CNTNAP2: variants seen among roughly 807,000 people sequenced by gnomAD.
CNTNAP2 encodes the protein contactin associated protein 2, also known as contactin-associated protein-like 2.
A neutral mutation model predicts 155.2 loss-of-function variants in CNTNAP2; 98 were observed. The observed-to-expected ratio is 0.63, with a 90% confidence interval of 0.54 to 0.75. The LOEUF is 0.75. Ranked by LOEUF, CNTNAP2 falls within the 30% of genes least tolerant of loss-of-function variation. The pLI is 0.00. For synonymous variants in CNTNAP2, 651 were observed against 631.2 expected, an observed-to-expected ratio of 1.03 and a Z score of -0.47; for missense variants, 1,727 against 1,688.1, an observed-to-expected ratio of 1.02 and a Z score of -0.40.
At chr7:147,892,774 C>T (rs1304315048) in intron 13 of CNTNAP2, among the ~76,000 whole-genome samples, 2 of 152,064 alleles carry the variant, frequency 1.3e-5, no homozygotes, top group Non-Finnish European at 2.9e-5. Flanking sequence ...CATTTCAGTT[C>T]AGGTCCATTT....
chr7:147,527,015 C>CTTTTTTTTTTTTTTTTTTTTT lies in CNTNAP2; in HGVS notation c.1778-35116_1778-35096dup, dbSNP rs888976222. ...CATGAATTATGGAAGACAGGCATTTCTTTTTTTTTTTTTTTTTTTTTTTTT... is the reference window on the plus strand; with the variant it reads ...CATGAATTATGGAAGACAGGCATTTCTTTTTTTTTTTTTTTTTTTTTTTTTTTTTTTTTTTTTTTTTTTTTT... On this transcript the variant is annotated intron_variant, in intron 11 of 23. Coordinates refer to ENST00000361727, the MANE Select transcript of CNTNAP2 (RefSeq NM_014141.6). 4.9e-4 allele frequency among the ~76,000 whole-genome samples: 32 copies of CTTTTTTTTTTTTTTTTTTTTT among 65,164 alleles called. 3 individuals are homozygous for CTTTTTTTTTTTTTTTTTTTTT. Among genetic ancestry groups the CTTTTTTTTTTTTTTTTTTTTT allele is most frequent in the African/African-American group, 2.3e-3 (30 of 12,766 alleles). 42.8% of individuals were successfully genotyped at this position (65,164 alleles called of 152,430 possible).
At position 146,944,897 on chromosome 7, in the gene CNTNAP2, AAAAG is replaced by A. The variant is rs374618127; in HGVS notation, c.403-99006_403-99003del. Among the ~76,000 whole-genome samples, 87 of 151,060 alleles carry A rather than the reference AAAAG, an allele frequency of 5.8e-4. No individual in the cohort carries two copies. The East Asian group carries it at 7.5e-3, about 13-fold the overall frequency. ...CGTCTAAAAAAAAAAAAGAAAAAGA[AAAAG>A]AAAAATCGTAAGGCTATGCATAGCA... is the stretch of plus-strand genomic sequence containing the variant. On this transcript the variant is annotated intron_variant, in intron 3 of 23. Transcript: ENST00000361727.
At chr7:146,261,104 C>G (rs1799912860) in intron 1 of CNTNAP2, among the ~76,000 whole-genome samples, 1 of 152,088 alleles carries the variant, frequency 6.6e-6, no homozygotes, top group Non-Finnish European at 1.5e-5. Context: ...GCCACCATGT[C>G]AGACGTGCCT....
Position 146,719,242 on chromosome 7 carries a change from G to C in CNTNAP2, c.98-55029G>C, listed in dbSNP as rs186703400. On this transcript the variant is annotated intron_variant, in intron 1 of 23. Transcript: ENST00000361727. ...TTTGAATCTTTCAGCCCAACAGTCA[G>C]CTTTGCTGAGGCTACAAAGAAATGC... Among the ~76,000 whole-genome samples, 9 of 152,284 alleles carry C rather than the reference G, an allele frequency of 5.9e-5. No homozygotes were observed. In the East Asian group the frequency reaches 1.7e-3, roughly 29 times the overall value.
intron 1 of CNTNAP2, among the ~76,000 whole-genome samples, chr7:146,359,717 T>C (rs1795054564): frequency 6.6e-6 from 1 of 152,176 alleles, no homozygotes; most frequent in Non-Finnish European, 1.5e-5. Flanking sequence ...TAATAGCATA[T>C]TTTATGAGCT....
At chr7:146,184,930 C>G (rs1584791854) in intron 1 of CNTNAP2, among the ~76,000 whole-genome samples, 1 of 152,110 alleles carries the variant, frequency 6.6e-6, no homozygotes, top group South Asian at 2.1e-4. Context: ...GTCACTATCT[C>G]TCTTTCCCTC....
intron 12 of CNTNAP2, among the ~76,000 whole-genome samples, chr7:147,631,677 A>G (rs938809716): frequency 6.6e-6 from 1 of 152,136 alleles, no homozygotes; most frequent in African/African-American, 2.4e-5. Flanking sequence ...AATATAGCCA[A>G]ATATTTAAAG....
chr7:147,618,789 C>A (rs184998740), intron 12 of CNTNAP2, among the ~76,000 whole-genome samples: 3,212 of 151,550 alleles, frequency 0.021, 232 homozygotes, highest in Admixed American at 0.14. Context: ...GCTTTTTTTT[C>A]ACTGGTCATT....
intron 11 of CNTNAP2, among the ~76,000 whole-genome samples, chr7:147,499,714 G>A (rs959553919): frequency 1.3e-5 from 2 of 152,200 alleles, no homozygotes; most frequent in Admixed American, 1.3e-4. Context: ...GCTTTAAGCA[G>A]GAGGGAGAAA....
rs1798021760 is a variant in CNTNAP2 at position 148,331,711 on chromosome 7, GTGGACGGATGGAT to G, written c.3476-51933_3476-51921del. 1.0e-3 allele frequency among the ~76,000 whole-genome samples: 10 copies of G among 9,612 alleles called. 1 individual carries two copies. The highest frequency in any genetic ancestry group is 1.6e-3 in the African/African-American group (5 of 3,188). The allele number at this position is 9,612 out of a possible 152,430, so 6.3% of individuals were successfully genotyped here. A position where few individuals can be genotyped will look rare whatever the true frequency, so the allele number is the denominator to read the frequency against. On this transcript the variant is annotated intron_variant, in intron 21 of 23. Transcript: ENST00000361727. The stretch of plus-strand genomic sequence containing the variant: ...TGGACGGATGGAGTGGATGGATGGA[GTGGACGGATGGAT>G]TGGATGGATGGAGTGGATGGATGGA...
At chr7:148,218,242 C>G (rs1194568788) in intron 19 of CNTNAP2, among the ~76,000 whole-genome samples, 2 of 152,082 alleles carry the variant, frequency 1.3e-5, no homozygotes, top group African/African-American at 4.8e-5. Flanking sequence ...TTAATTTTAT[C>G]CTGATTTATG....
chr7:146,144,488 A>AAAC (rs1227740164), intron 1 of CNTNAP2, among the ~76,000 whole-genome samples: 2 of 152,178 alleles, frequency 1.3e-5, no homozygotes, highest in African/African-American at 4.8e-5. Context: ...AATAGAAAAC[A>AAAC]AACAACAACA....
chr7:147,744,292 C>A (rs79636548), intron 13 of CNTNAP2, among the ~76,000 whole-genome samples: 32,341 of 152,012 alleles, frequency 0.21, 3,627 homozygotes, highest in Middle Eastern at 0.39. Flanking sequence ...AACTACAGAA[C>A]ATTTAAAATT....
intron 18 of CNTNAP2, among the ~76,000 whole-genome samples, chr7:148,179,990 C>T (rs1158358893): frequency 6.6e-6 from 1 of 152,188 alleles, no homozygotes; most frequent in Non-Finnish European, 1.5e-5. Flanking sequence ...AGAATAAATG[C>T]ATGGTCTACC....
At chr7:147,129,587 A>G (rs890089397) in intron 7 of CNTNAP2, among the ~76,000 whole-genome samples, 27 of 152,178 alleles carry the variant, frequency 1.8e-4, no homozygotes, top group African/African-American at 6.5e-4. Flanking sequence ...TTTAGCCCAG[A>G]GAGGCTATTT....
At chr7:146,712,200 T>TAAAATAAAAAACAGGA (rs1801097912) in intron 1 of CNTNAP2, among the ~76,000 whole-genome samples, 1 of 118,266 alleles carries the variant, frequency 8.5e-6, no homozygotes, top group African/African-American at 3.3e-5. Flanking sequence ...TGTATACAAA[T>TAAAATAAAAAACAGGA]ATGTATACAT....
At chr7:146,227,469 A>G (rs941386795) in intron 1 of CNTNAP2, among the ~76,000 whole-genome samples, 9 of 151,494 alleles carry the variant, frequency 5.9e-5, no homozygotes, top group African/African-American at 9.7e-5. Flanking sequence ...AAAAATCTTT[A>G]AGGAGATATG....
chr7:147,407,260 A>G (rs112237601), intron 10 of CNTNAP2, among the ~76,000 whole-genome samples: 4,300 of 152,116 alleles, frequency 0.028, 229 homozygotes, highest in African/African-American at 0.098. Context: ...CGAGGTCAGG[A>G]GATCGAGACC....
intron 4 of CNTNAP2, among the ~76,000 whole-genome samples, chr7:147,060,821 G>A (rs12381406): frequency 0.49 from 72,828 of 148,070 alleles, 19,236 homozygotes; most frequent in African/African-American, 0.74. Flanking sequence ...CCGAGACCGC[G>A]CCACTGCACT....
Sources: gnomAD v4.1 joint callset for allele counts (sites outside exome capture counted in the v4.1 genomes callset) on GRCh38, gnomAD v4.1.1 for gene constraint, MANE v1.5 for transcripts, NCBI Gene and HGNC (gene_info 2026-07-23, HGNC 2026-07-21) for gene names.